Variants in ARHGAP24 observed in about 807,000 individuals in gnomAD.
ARHGAP24 encodes the protein Rho GTPase activating protein 24.
ARHGAP24 carries 50 observed loss-of-function variants against 76.4 expected under a neutral mutation model. The ratio of observed to expected loss-of-function variants is 0.65; its 90% CI spans 0.52 to 0.83. ARHGAP24 has a LOEUF of 0.83. ARHGAP24 is among the 40% of genes least tolerant of loss of function. ARHGAP24 has a pLI of 0.00. For synonymous variants in ARHGAP24, 345 were observed against 323.3 expected, an observed-to-expected ratio of 1.07 and a Z score of -0.72; for missense variants, 930 against 914.2, an observed-to-expected ratio of 1.02 and a Z score of -0.22.
At chr4:85,588,099 G>T (rs1006993252) in intron 2 of ARHGAP24, among the ~76,000 whole-genome samples, 1 of 152,112 alleles carries the variant, frequency 6.6e-6, no homozygotes, top group Non-Finnish European at 1.5e-5. Flanking sequence ...CAGGCCTGTG[G>T]GCTGGTAACC....
In ARHGAP24 at chr4:85,942,079, G is replaced by C. The variant is rs1198212539; in HGVS notation, c.405G>C (p.Gln135His). 6.2e-7 allele frequency: 1 copy of C among 1,613,652 alleles called. No homozygotes were observed. The highest frequency in any genetic ancestry group is 8.5e-7 in the Non-Finnish European group (1 of 1,179,952). The change falls in exon 5 of 10, where the codon CAG becomes CAC. Residue 135 changes from glutamine to histidine, a missense_variant. By Grantham distance (24) the Gln-to-His change is conservative. Transcript: ENST00000395184. ...TTTTTTTTTAAGGCATTTTTGGACAGAAACTGGAGGATACTGTTCGTTATG... is the reference window on the plus strand; with the variant it reads ...TTTTTTTTTAAGGCATTTTTGGACACAAACTGGAGGATACTGTTCGTTATG... ...WGPFGGGIFG[Q>H]KLEDTVRYEK...
intron 3 of ARHGAP24, among the ~76,000 whole-genome samples, chr4:85,864,116 G>A (rs1008320026): frequency 2.6e-5 from 4 of 152,116 alleles, no homozygotes; most frequent in African/African-American, 9.7e-5. Context: ...GCAGAGAAGG[G>A]AAGATGGAGC....
chr4:85,524,271 A>G (rs1724898185), intron 1 of ARHGAP24, among the ~76,000 whole-genome samples: 1 of 152,100 alleles, frequency 6.6e-6, no homozygotes, highest in South Asian at 2.1e-4. Flanking sequence ...CAAATTCCTT[A>G]AGTGTCCTTA....
intron 2 of ARHGAP24, among the ~76,000 whole-genome samples, chr4:85,588,061 G>A (rs1048625603): frequency 6.6e-6 from 1 of 152,184 alleles, no homozygotes; most frequent in Non-Finnish European, 1.5e-5. Flanking sequence ...GATATGCTGG[G>A]CTGAGGGGAT....
At chr4:85,852,716 C>G (rs1247466610) in intron 3 of ARHGAP24, among the ~76,000 whole-genome samples, 1 of 152,224 alleles carries the variant, frequency 6.6e-6, no homozygotes, top group Non-Finnish European at 1.5e-5. Flanking sequence ...GGTCCCTCAG[C>G]TGCAGGTCTG....
chr4:85,656,742 A>G (rs746449423), intron 2 of ARHGAP24, among the ~76,000 whole-genome samples: 17 of 152,100 alleles, frequency 1.1e-4, no homozygotes, highest in Non-Finnish European at 2.2e-4. Flanking sequence ...CTGGGATTAC[A>G]GGTGTGAGCC....
At chr4:85,765,181 T>C (rs896483956) in intron 3 of ARHGAP24, among the ~76,000 whole-genome samples, 2 of 152,040 alleles carry the variant, frequency 1.3e-5, no homozygotes, top group African/African-American at 2.4e-5. Flanking sequence ...CAAAAAAAGG[T>C]GTGTTTTGTG....
rs958108868 is a variant in ARHGAP24 at position 85,791,338 on chromosome 4, G to A, written c.268+69366G>A. Among the ~76,000 whole-genome samples the A allele has an allele frequency of 3.3e-5, 5 of 152,124 alleles. No homozygotes were observed. In the East Asian group the frequency reaches 5.8e-4, roughly 18 times the overall value. ...GATTGAGCAAGAAGGCATATTTAAC[G>A]GCAAAGATAAGAGGTACAAACGTAA... On this transcript the variant is annotated intron_variant, in intron 3 of 9. Coordinates refer to ENST00000395184, the MANE Select transcript of ARHGAP24 (RefSeq NM_001025616.3).
At chr4:85,733,979 T>G (rs535700054) in intron 3 of ARHGAP24, among the ~76,000 whole-genome samples, 12 of 152,284 alleles carry the variant, frequency 7.9e-5, no homozygotes, top group Non-Finnish European at 1.3e-4. Flanking sequence ...GCTTCTCTAT[T>G]TTAGGGGACA....
At chr4:85,760,839 A>G (rs1451526775) in intron 3 of ARHGAP24, among the ~76,000 whole-genome samples, 1 of 152,178 alleles carries the variant, frequency 6.6e-6, no homozygotes, top group Non-Finnish European at 1.5e-5. Context: ...TAACAAATTG[A>G]ACAGCCCAAC....
chr4:85,792,395 A>T (rs1417204566), intron 3 of ARHGAP24, among the ~76,000 whole-genome samples: 1 of 152,208 alleles, frequency 6.6e-6, no homozygotes, highest in Non-Finnish European at 1.5e-5. Flanking sequence ...TGTTCTACTC[A>T]TAGCACAAAC....
At chr4:85,505,919 T>C (rs1724027282) in intron 1 of ARHGAP24, among the ~76,000 whole-genome samples, 1 of 151,860 alleles carries the variant, frequency 6.6e-6, no homozygotes, top group Admixed American at 6.6e-5. Context: ...GTAGATGTAC[T>C]TTTTGTTGAT....
At chr4:85,766,797 C>T (rs1335143677) in intron 3 of ARHGAP24, among the ~76,000 whole-genome samples, 1 of 152,122 alleles carries the variant, frequency 6.6e-6, no homozygotes, top group Admixed American at 6.6e-5. Flanking sequence ...ATACTGGGTT[C>T]ACCTGCCTTT....
In ARHGAP24 at chr4:85,728,095, A is replaced by C. The variant is rs1578176927; in HGVS notation, c.268+6123A>C. On this transcript the variant is annotated intron_variant, in intron 3 of 9. Coordinates refer to ENST00000395184, the MANE Select transcript of ARHGAP24 (RefSeq NM_001025616.3). ...ATTTCCAATACCCTCAGACAATTAC[A>C]TGTTACTTTTGTACATTTCAAATTT... 2.0e-5 allele frequency among the ~76,000 whole-genome samples: 3 copies of C among 152,244 alleles called. No individual in the cohort carries two copies. The East Asian group carries it at 5.8e-4, about 29-fold the overall frequency.
intron 3 of ARHGAP24, among the ~76,000 whole-genome samples, chr4:85,870,782 C>A (rs1231909046): frequency 1.3e-5 from 2 of 151,912 alleles, no homozygotes; most frequent in Non-Finnish European, 2.9e-5. Context: ...TAGGTGTGTA[C>A]AGAGGGAAGA....
At chr4:85,913,394 C>T (rs1735193809) in intron 3 of ARHGAP24, among the ~76,000 whole-genome samples, 1 of 151,728 alleles carries the variant, frequency 6.6e-6, no homozygotes, top group African/African-American at 2.4e-5. Context: ...TCTATATTCA[C>T]ACACTTTTCA....
intron 2 of ARHGAP24, among the ~76,000 whole-genome samples, chr4:85,576,966 A>C (rs1545822): frequency 0.075 from 11,476 of 152,004 alleles, 1,386 homozygotes; most frequent in African/African-American, 0.26. Context: ...GATAGTAAAT[A>C]CTTCATAACA....
chr4:85,709,500 A>G (rs575333725), intron 2 of ARHGAP24, among the ~76,000 whole-genome samples: 4 of 151,914 alleles, frequency 2.6e-5, no homozygotes, highest in Non-Finnish European at 5.9e-5. Flanking sequence ...GTATCTTGTT[A>G]AAAAAAACCT....
At position 85,507,577 on chromosome 4, in the gene ARHGAP24, G is replaced by A. The variant is rs149982242; in HGVS notation, c.-21+32018G>A. Among the ~76,000 whole-genome samples the A allele has an allele frequency of 2.5e-3, 375 of 152,266 alleles. 1 individual carries two copies. Among genetic ancestry groups the A allele is most frequent in the African/African-American group, 8.8e-3 (365 of 41,540 alleles). On this transcript the variant is annotated intron_variant, in intron 1 of 9. Transcript: ENST00000395184. ...AGAGAATAAACAATGAAATGGTGAC[G>A]AGCATGAGTGTTATAAGTTGTGGGT... is the stretch of plus-strand genomic sequence containing the variant.
Sources: gnomAD v4.1 joint callset for allele counts (sites outside exome capture counted in the v4.1 genomes callset) on GRCh38, gnomAD v4.1.1 for gene constraint, MANE v1.5 for transcripts, NCBI Gene and HGNC (gene_info 2026-07-23, HGNC 2026-07-21) for gene names.